ADCY9: variants seen among roughly 807,000 people sequenced by gnomAD.
ADCY9 encodes adenylate cyclase 9.
ADCY9 carries 50 observed loss-of-function variants against 101.5 expected under a neutral mutation model. The ratio of observed to expected loss-of-function variants is 0.49; its 90% CI spans 0.39 to 0.62. The LOEUF (loss-of-function observed/expected upper bound fraction) is 0.62. ADCY9 is among the 20% of genes least tolerant of loss of function. The probability of loss-of-function intolerance (pLI) is 0.00; values close to 1 mark genes in which losing one functional copy is unlikely to be tolerated. For missense variants in ADCY9, 1,662 were observed against 1,800.4 expected (o/e 0.92, Z 1.39); for synonymous variants, 905 against 769.3 (o/e 1.18, Z -2.92).
At chr16:4,083,881 C>T (rs900965055) in intron 2 of ADCY9, among the ~76,000 whole-genome samples, 2 of 152,230 alleles carry the variant, frequency 1.3e-5, no homozygotes, top group Admixed American at 6.5e-5. Flanking sequence ...TCGGGTGTGC[C>T]GGGCTTCTCT....
intron 2 of ADCY9, among the ~76,000 whole-genome samples, chr16:4,113,057 A>C (rs1282350168): frequency 6.6e-6 from 1 of 152,116 alleles, no homozygotes; most frequent in Non-Finnish European, 1.5e-5. Flanking sequence ...CTCCCTTCCA[A>C]ATCACCTGGT....
At chr16:4,017,008 A>G (rs911027314) in intron 2 of ADCY9, among the ~76,000 whole-genome samples, 1 of 152,112 alleles carries the variant, frequency 6.6e-6, no homozygotes, top group Non-Finnish European at 1.5e-5. Flanking sequence ...TTTTTGAAAA[A>G]GAAAAGGAAG....
intron 2 of ADCY9, among the ~76,000 whole-genome samples, chr16:4,028,532 G>T (rs990396548): frequency 4.6e-5 from 7 of 152,174 alleles, no homozygotes; most frequent in Non-Finnish European, 1.0e-4. Flanking sequence ...CCAATTATAT[G>T]AAATGTCTAG....
intron 2 of ADCY9, among the ~76,000 whole-genome samples, chr16:4,108,224 A>C (rs951388514): frequency 3.9e-5 from 6 of 152,144 alleles, no homozygotes; most frequent in Non-Finnish European, 7.4e-5. Context: ...GGAAAAGCCA[A>C]CAGCTCGAGA....
intron 2 of ADCY9, among the ~76,000 whole-genome samples, chr16:4,025,165 C>T (rs1041765367): frequency 1.3e-5 from 2 of 152,046 alleles, no homozygotes; most frequent in Non-Finnish European, 2.9e-5. Context: ...GAGTTTGAGA[C>T]CAGCCTGGCT....
intron 6 of ADCY9, among the ~76,000 whole-genome samples, chr16:3,987,521 C>T (rs1035408138): frequency 6.6e-6 from 1 of 152,200 alleles, no homozygotes; most frequent in Non-Finnish European, 1.5e-5. Flanking sequence ...ATCAGCTTCC[C>T]TACAGCATTG....
chr16:4,036,553 C>G (rs566775040), intron 2 of ADCY9, among the ~76,000 whole-genome samples: 18 of 149,032 alleles, frequency 1.2e-4, no homozygotes, highest in African/African-American at 4.2e-4. Flanking sequence ...ACCTCCGCCT[C>G]CCAGGTTCAA....
chr16:4,109,568 T>C (rs2141208091), intron 2 of ADCY9, among the ~76,000 whole-genome samples: 1 of 152,302 alleles, frequency 6.6e-6, no homozygotes, highest in South Asian at 2.1e-4. Context: ...CATTCCTGAC[T>C]CCACATTGTC....
At position 3,964,342 on chromosome 16, in the gene ADCY9, T is replaced by C. The variant is rs2055968234; in HGVS notation, c.*1433A>G. 1.3e-5 allele frequency: 2 copies of C among 152,182 alleles called. No homozygotes were observed. The highest frequency in any genetic ancestry group is 2.9e-5 in the Non-Finnish European group (2 of 68,098). The allele number at this position is 152,182 out of a possible 1,614,324, so 9.4% of individuals were successfully genotyped here. A position where few individuals can be genotyped will look rare whatever the true frequency, so the allele number is the denominator to read the frequency against. ...ACTTCAGACTCAATATGGCAAAACA[T>C]AATCAGACAGGACCAGCAGCCAACT... On this transcript the variant is annotated 3_prime_UTR_variant, in exon 11 of 11. Transcript: ENST00000294016.
intron 2 of ADCY9, among the ~76,000 whole-genome samples, chr16:4,057,048 C>T (rs78610525): frequency 1.6e-4 from 20 of 126,432 alleles, no homozygotes; most frequent in African/African-American, 3.9e-4. Context: ...GCCCCCCCCC[C>T]CCCCGCCAAT....
chr16:4,043,289 T>C (rs2141140748), intron 2 of ADCY9, among the ~76,000 whole-genome samples: 1 of 152,266 alleles, frequency 6.6e-6, no homozygotes. Context: ...AAAAATCGTA[T>C]AATGTGTTAT....
intron 2 of ADCY9, among the ~76,000 whole-genome samples, chr16:4,038,625 TATGAAGTCAGC>T (rs1323343210): frequency 6.6e-6 from 1 of 152,150 alleles, no homozygotes; most frequent in Non-Finnish European, 1.5e-5. Flanking sequence ...CTCTTTGCAG[TATGAAGTCAGC>T]ATGGTTTCAG....
chr16:3,985,809 G>GTCCCTGCCCTGCT (rs2056187454), intron 6 of ADCY9, among the ~76,000 whole-genome samples: 1 of 152,122 alleles, frequency 6.6e-6, no homozygotes, highest in Admixed American at 6.5e-5. Flanking sequence ...ACTTGCCAGA[G>GTCCCTGCCCTGCT]ACACCTGTCC....
intron 2 of ADCY9, among the ~76,000 whole-genome samples, chr16:4,073,668 A>G (rs953640219): frequency 1.3e-5 from 2 of 152,216 alleles, no homozygotes; most frequent in African/African-American, 2.4e-5. Flanking sequence ...AGTGCTGGGA[A>G]TAACAGGCAT....
Position 3,993,453 on chromosome 16 carries a change from C to T in ADCY9, c.1942G>A (p.Gly648Arg). The stretch of plus-strand genomic sequence containing the variant: ...TCTTGGCAGCCGTTTTGAGGTGCTC[C>T]TCCCTCGGCGCCGGCTTCAGATTTG... ...APKSEAGAEGGAPQNGCQDEH... is the reference protein window; with the variant it reads ...APKSEAGAEGRAPQNGCQDEH... Residue 648 changes from glycine to arginine, a missense_variant, in exon 4 of 11, where the codon GGA becomes AGA. By Grantham distance (125) the Gly-to-Arg change is moderately radical. Coordinates refer to ENST00000294016, the MANE Select transcript of ADCY9 (RefSeq NM_001116.4). The T allele has an allele frequency of 1.9e-6, 3 of 1,614,208 alleles. No individual in the cohort carries two copies. Among genetic ancestry groups the T allele is most frequent in the South Asian group, 2.2e-5 (2 of 91,082 alleles).
chr16:4,078,177 T>C (rs897218286), intron 2 of ADCY9, among the ~76,000 whole-genome samples: 1 of 152,200 alleles, frequency 6.6e-6, no homozygotes, highest in African/African-American at 2.4e-5. Flanking sequence ...CACGGAAGAC[T>C]TGTGAATGTT....
intron 2 of ADCY9, among the ~76,000 whole-genome samples, chr16:4,011,384 CG>C: frequency 6.6e-6 from 1 of 151,646 alleles, no homozygotes; most frequent in East Asian, 1.9e-4. Flanking sequence ...AGCAGGGGGG[CG>C]GGAGGAGAAA....
chr16:4,041,089 C>T (rs1054164993), intron 2 of ADCY9, among the ~76,000 whole-genome samples: 7 of 152,152 alleles, frequency 4.6e-5, no homozygotes, highest in Non-Finnish European at 8.8e-5. Context: ...ATATAGGGGA[C>T]ATTAAAGACC....
intron 2 of ADCY9, among the ~76,000 whole-genome samples, chr16:4,089,435 C>T (rs180677654): frequency 2.1e-4 from 32 of 152,096 alleles, no homozygotes; most frequent in Admixed American, 3.9e-4. Flanking sequence ...AGAGGTGCTA[C>T]GTTTTGTTGA....
Sources: allele counts gnomAD v4.1 joint callset (sites outside exome capture counted in the v4.1 genomes callset), GRCh38; gene constraint gnomAD v4.1.1; transcripts MANE v1.5; gene names NCBI Gene and HGNC (gene_info 2026-07-23, HGNC 2026-07-21).